PLA2G5: variants seen among roughly 807,000 people sequenced by gnomAD.
PLA2G5 encodes the protein phospholipase A2 group V.
A neutral mutation model predicts 15.9 loss-of-function variants in PLA2G5; 12 were observed. The observed-to-expected ratio is 0.76, with a 90% confidence interval of 0.48 to 1.23. PLA2G5 has a LOEUF of 1.23. Ranked by LOEUF, PLA2G5 falls within the 50% of genes most tolerant of loss-of-function variation. The probability of loss-of-function intolerance (pLI) is 0.00; values close to 1 mark genes in which losing one functional copy is unlikely to be tolerated. For missense variants in PLA2G5, 169 were observed against 177.1 expected, an observed-to-expected ratio of 0.95 and a Z score of 0.26; for synonymous variants, 71 against 71.4, an observed-to-expected ratio of 0.99 and a Z score of 0.03.
chr1:20,053,141 C>T (rs760619314), intron 1 of PLA2G5, among the ~76,000 whole-genome samples: 2 of 152,188 alleles, frequency 1.3e-5, no homozygotes, highest in Non-Finnish European at 2.9e-5. Context: ...TCAATCTTGG[C>T]AAAATAAACT....
intron 2 of PLA2G5, among the ~76,000 whole-genome samples, chr1:20,062,399 C>T (rs1343739402): frequency 2.6e-5 from 4 of 152,148 alleles, no homozygotes; most frequent in African/African-American, 9.7e-5. Context: ...ATGCGGAGTT[C>T]CCAGACACAG....
At chr1:20,066,196 T>G (rs2015017305), upstream of PLA2G5, 1 of 152,248 alleles carries the variant, frequency 6.6e-6, no homozygotes, top group Admixed American at 6.5e-5. Flanking sequence ...TTTCATATGC[T>G]TAACTGTCAT....
intron 1 of PLA2G5, among the ~76,000 whole-genome samples, chr1:20,050,719 T>G (rs12743333): frequency 0.038 from 5,823 of 152,254 alleles, 167 homozygotes; most frequent in Middle Eastern, 0.12. Flanking sequence ...GACTTTTTTT[T>G]GGGAAATACT....
intron 1 of PLA2G5, among the ~76,000 whole-genome samples, chr1:20,036,841 T>A (rs1162290784): frequency 1.3e-5 from 2 of 152,094 alleles, no homozygotes; most frequent in Non-Finnish European, 2.9e-5. Context: ...AATTTTGTAT[T>A]TTTAGTAGAG....
At chr1:20,054,789 C>T (rs990050832) in intron 1 of PLA2G5, 4 of 152,068 alleles carry the variant, frequency 2.6e-5, no homozygotes, top group Non-Finnish European at 5.9e-5. Flanking sequence ...CATAATATTG[C>T]AGTTATATCT....
At chr1:20,055,255 A>C (rs1349648270) in intron 1 of PLA2G5, among the ~76,000 whole-genome samples, 1 of 152,166 alleles carries the variant, frequency 6.6e-6, no homozygotes, top group East Asian at 1.9e-4. Flanking sequence ...CATTCAGTTA[A>C]TCTGGGAACT....
chr1:20,070,204 T>A lies in PLA2G5; in HGVS notation c.-272T>A. On this transcript the variant is annotated 5_prime_UTR_variant, in exon 1 of 5. Transcript: ENST00000375108. ...TGCCTCTGCAAAGGCAGTCGGGGGC[T>A]GAGCAGGGTTCTACCCGGCTGGGTC... The A allele has an allele frequency of 1.0e-6, 1 of 985,490 alleles. No homozygotes were observed. Among genetic ancestry groups the A allele is most frequent in the Non-Finnish European group, 1.2e-6 (1 of 829,984 alleles). 61.0% of individuals were successfully genotyped at this position (985,490 alleles called of 1,614,324 possible).
chr1:20,089,586 A>G (rs750595165), intron 3 of PLA2G5, among the ~76,000 whole-genome samples: 13 of 152,214 alleles, frequency 8.5e-5, no homozygotes, highest in Admixed American at 3.9e-4. Context: ...TCGTGAGACC[A>G]GGAGGAAAAA....
rs115578613 is a variant in PLA2G5, at chr1:20,077,449, G to A, written c.-11+6984G>A. Among the ~76,000 whole-genome samples, 363 of 152,266 alleles carry A rather than the reference G, an allele frequency of 2.4e-3. 4 individuals are homozygous for A. Among genetic ancestry groups the A allele is most frequent in the African/African-American group, 8.3e-3 (347 of 41,564 alleles). ...GGTGAGAATGGAGCTGGAGCCAGAG[G>A]AGTCGTGCATTCACTCAGCAAACTC... On this transcript the variant is annotated intron_variant, in intron 1 of 4. Coordinates refer to ENST00000375108, the MANE Select transcript of PLA2G5 (RefSeq NM_000929.3).
chr1:20,064,322 C>A (rs1360196095), intron 2 of PLA2G5, among the ~76,000 whole-genome samples: 2 of 152,122 alleles, frequency 1.3e-5, no homozygotes, highest in African/African-American at 4.8e-5. Flanking sequence ...GCCTATAATC[C>A]CAGCACTTTG....
At chr1:20,057,350 C>T (rs1275196326) in intron 1 of PLA2G5, among the ~76,000 whole-genome samples, 4 of 150,414 alleles carry the variant, frequency 2.7e-5, no homozygotes, top group Admixed American at 1.3e-4. Context: ...GTGTTCAATG[C>T]TATACATTTT....
intron 2 of PLA2G5, among the ~76,000 whole-genome samples, chr1:20,085,130 A>G (rs2016221316): frequency 6.6e-6 from 1 of 152,194 alleles, no homozygotes; most frequent in Admixed American, 6.6e-5. Flanking sequence ...GGTTGTGGAC[A>G]TAGAGGTTAT....
intron 2 of PLA2G5, among the ~76,000 whole-genome samples, chr1:20,060,340 G>GC (rs1457686052): frequency 1.5e-5 from 2 of 132,156 alleles, no homozygotes; most frequent in African/African-American, 5.8e-5. Flanking sequence ...TGCAACCTCT[G>GC]CCTCCCAGAT....
chr1:20,065,763 C>T (rs936561956), upstream of PLA2G5, among the ~76,000 whole-genome samples: 2 of 152,130 alleles, frequency 1.3e-5, no homozygotes, highest in African/African-American at 4.8e-5. Context: ...TTTTGAGTGA[C>T]CATAAGTTTT....
intron 1 of PLA2G5, among the ~76,000 whole-genome samples, chr1:20,028,862 G>T (rs1201899000): frequency 1.3e-5 from 2 of 152,354 alleles, no homozygotes; most frequent in African/African-American, 4.8e-5. Flanking sequence ...GTGCGATGGG[G>T]TTGCAGCTGC....
At chr1:20,055,945 A>T (rs547912439) in intron 1 of PLA2G5, among the ~76,000 whole-genome samples, 1 of 152,266 alleles carries the variant, frequency 6.6e-6, no homozygotes, top group South Asian at 2.1e-4. Flanking sequence ...ATGACATTTT[A>T]TCTGAGGTCT....
At chr1:20,064,961 T>G (rs2014939413) in intron 2 of PLA2G5, among the ~76,000 whole-genome samples, 1 of 152,006 alleles carries the variant, frequency 6.6e-6, no homozygotes, top group Non-Finnish European at 1.5e-5. Flanking sequence ...ACAGGAAAAT[T>G]TGAGATGTAC....
chr1:20,073,489 A>G (rs2015495931), intron 1 of PLA2G5, among the ~76,000 whole-genome samples: 1 of 152,212 alleles, frequency 6.6e-6, no homozygotes, highest in Non-Finnish European at 1.5e-5. Context: ...GCCAATTTAC[A>G]GCCTGGCTGA....
At chr1:20,046,118 C>T (rs2013888010) in intron 1 of PLA2G5, 1 of 152,204 alleles carries the variant, frequency 6.6e-6, no homozygotes, top group Non-Finnish European at 1.5e-5. Context: ...AGAGGACAGT[C>T]TTCAGCCTGA....
Sources: allele counts gnomAD v4.1 joint callset (sites outside exome capture counted in the v4.1 genomes callset), GRCh38; gene constraint gnomAD v4.1.1; transcripts MANE v1.5; gene names NCBI Gene and HGNC (gene_info 2026-07-23, HGNC 2026-07-21).